CDH13: variants seen among roughly 807,000 people sequenced by gnomAD.
CDH13 encodes the protein cadherin 13.
Under a neutral mutation model 63.8 loss-of-function variants are expected in CDH13, and 24 were observed. The observed-to-expected ratio is 0.38, with a 90% confidence interval of 0.27 to 0.53. The LOEUF is 0.53. CDH13 is among the 20% of genes least tolerant of loss of function. The probability of loss-of-function intolerance (pLI) is 0.85; values close to 1 mark genes in which losing one functional copy is unlikely to be tolerated. For missense variants in CDH13, 1,049 were observed against 903.1 expected (o/e 1.16, Z -2.07); for synonymous variants, 503 against 355.3 (o/e 1.42, Z -4.67).
chr16:83,503,974 G>T (rs1286373229), intron 7 of CDH13, among the ~76,000 whole-genome samples: 4 of 151,978 alleles, frequency 2.6e-5, no homozygotes, highest in Non-Finnish European at 5.9e-5. Flanking sequence ...GGCAAGGGAA[G>T]GGACAGCATT....
At chr16:83,519,581 C>G (rs980486571) in intron 7 of CDH13, among the ~76,000 whole-genome samples, 3 of 152,070 alleles carry the variant, frequency 2.0e-5, no homozygotes, top group African/African-American at 7.2e-5. Flanking sequence ...GTTTACAGAC[C>G]CTTTGATCAG....
intron 7 of CDH13, among the ~76,000 whole-genome samples, chr16:83,575,042 C>G (rs1904979832): frequency 6.6e-6 from 1 of 152,112 alleles, no homozygotes; most frequent in Admixed American, 6.5e-5. Context: ...CCTGTCCATA[C>G]AATAGAATAT....
chr16:83,048,527 A>G lies in CDH13; in HGVS notation c.366+16309A>G, dbSNP rs142447325. Among the ~76,000 whole-genome samples, 15 of 152,262 alleles carry G rather than the reference A, an allele frequency of 9.9e-5. No homozygotes were observed. In the East Asian group the frequency reaches 2.5e-3, roughly 26 times the overall value. On this transcript the variant is annotated intron_variant, in intron 3 of 13. Coordinates refer to ENST00000567109, the MANE Select transcript of CDH13 (RefSeq NM_001257.5). The stretch of plus-strand genomic sequence containing the variant: ...CACTCTAAGGCTTTTCCATTTACCT[A>G]AAGCAGTAAGTTGTACTCTAGTGCC...
chr16:82,889,418 C>A (rs2041004010), intron 2 of CDH13, among the ~76,000 whole-genome samples: 1 of 152,140 alleles, frequency 6.6e-6, no homozygotes, highest in African/African-American at 2.4e-5. Context: ...AGGCAACTCG[C>A]TTTCGGGTTG....
At chr16:82,685,571 C>T (rs759837282) in intron 1 of CDH13, among the ~76,000 whole-genome samples, 2 of 152,110 alleles carry the variant, frequency 1.3e-5, no homozygotes, top group Non-Finnish European at 2.9e-5. Flanking sequence ...TTATTAGCTG[C>T]TAAGAAAGAT....
intron 1 of CDH13, among the ~76,000 whole-genome samples, chr16:82,633,102 G>A (rs1908219008): frequency 1.3e-5 from 2 of 152,326 alleles, no homozygotes; most frequent in Admixed American, 6.5e-5. Flanking sequence ...CTCCTGCTGT[G>A]TGGCCTGATT....
At chr16:83,720,346 C>T (rs191362767) in intron 10 of CDH13, among the ~76,000 whole-genome samples, 50 of 152,312 alleles carry the variant, frequency 3.3e-4, no homozygotes, top group Non-Finnish European at 6.2e-4. Context: ...TGTGCACTCA[C>T]ACATGCACAC....
At chr16:83,557,454 C>G (rs1486701508) in intron 7 of CDH13, among the ~76,000 whole-genome samples, 1 of 152,134 alleles carries the variant, frequency 6.6e-6, no homozygotes, top group East Asian at 1.9e-4. Context: ...AGGTTGGGGA[C>G]TGATGTTCTA....
chr16:83,552,413 C>T (rs1442748181), intron 7 of CDH13, among the ~76,000 whole-genome samples: 1 of 152,226 alleles, frequency 6.6e-6, no homozygotes, highest in Admixed American at 6.5e-5. Flanking sequence ...GTGGAGGATG[C>T]ACCAATTGCT....
At chr16:82,727,516 C>G (rs1161134964) in intron 1 of CDH13, 3 of 152,080 alleles carry the variant, frequency 2.0e-5, no homozygotes, top group African/African-American at 7.2e-5. Context: ...ATGCATTAGC[C>G]GCACTTAGAG....
intron 7 of CDH13, among the ~76,000 whole-genome samples, chr16:83,537,368 C>T (rs966234922): frequency 2.0e-5 from 3 of 152,130 alleles, no homozygotes; most frequent in Non-Finnish European, 4.4e-5. Context: ...CTTTAGGCTG[C>T]AACCTAAAGG....
chr16:82,781,853 A>G (rs1474255218), intron 1 of CDH13, among the ~76,000 whole-genome samples: 1 of 152,220 alleles, frequency 6.6e-6, no homozygotes, highest in Non-Finnish European at 1.5e-5. Flanking sequence ...GTATATGTAA[A>G]CCAAAAATTA....
At chr16:83,742,428 A>T (rs1912154775) in intron 10 of CDH13, among the ~76,000 whole-genome samples, 1 of 150,538 alleles carries the variant, frequency 6.6e-6, no homozygotes, top group African/African-American at 2.4e-5. Flanking sequence ...TTTTAATTTG[A>T]TTTTTTTTTT....
chr16:82,702,677 C>T (rs527513406), intron 1 of CDH13, among the ~76,000 whole-genome samples: 4 of 152,322 alleles, frequency 2.6e-5, no homozygotes, highest in African/African-American at 9.6e-5. Context: ...TTGTCCCCCT[C>T]AATTCTGACA....
At chr16:83,028,332 A>C (rs549756634) in intron 2 of CDH13, among the ~76,000 whole-genome samples, 2 of 152,342 alleles carry the variant, frequency 1.3e-5, no homozygotes, top group Non-Finnish European at 2.9e-5. Flanking sequence ...AAAGTGAGCA[A>C]GTGTCTGAGA....
At position 83,015,285 on chromosome 16, in the gene CDH13, C is replaced by T. The variant is rs549123628; in HGVS notation, c.158-16725C>T. ...ATAATATGAGTTAAAGGATGTATAC[C>T]TATTTAAAGACTATCCACTGAGAAA... On this transcript the variant is annotated intron_variant, in intron 2 of 13. Transcript: ENST00000567109. Among the ~76,000 whole-genome samples, 3 of 151,598 alleles carry T rather than the reference C, an allele frequency of 2.0e-5. No homozygotes were observed. The East Asian group carries it at 5.9e-4, about 30-fold the overall frequency.
intron 2 of CDH13, among the ~76,000 whole-genome samples, chr16:83,016,615 C>G (rs1379954406): frequency 6.6e-6 from 1 of 152,152 alleles, no homozygotes; most frequent in African/African-American, 2.4e-5. Flanking sequence ...CCAACCTTGT[C>G]AAAGCCTTGT....
At chr16:82,745,141 G>A (rs567773352) in intron 1 of CDH13, among the ~76,000 whole-genome samples, 1 of 152,088 alleles carries the variant, frequency 6.6e-6, no homozygotes, top group Non-Finnish European at 1.5e-5. Flanking sequence ...AAAGGCTCTG[G>A]GAAACAAAAG....
chr16:83,100,846 C>T (rs751712074), intron 3 of CDH13, among the ~76,000 whole-genome samples: 1 of 152,144 alleles, frequency 6.6e-6, no homozygotes, highest in Non-Finnish European at 1.5e-5. Flanking sequence ...TCAGCCACTT[C>T]CTGCAGGGAC....
Sources: allele counts gnomAD v4.1 joint callset (sites outside exome capture counted in the v4.1 genomes callset), GRCh38; gene constraint gnomAD v4.1.1; transcripts MANE v1.5; gene names NCBI Gene and HGNC (gene_info 2026-07-23, HGNC 2026-07-21).